CIZ1: variants seen among roughly 807,000 people sequenced by gnomAD.
CIZ1 encodes the protein CDKN1A interacting zinc finger protein 1.
A neutral mutation model predicts 118.6 loss-of-function variants in CIZ1; 58 were observed. The observed-to-expected ratio is 0.49, with a 90% CI of 0.40 to 0.61. CIZ1 has a LOEUF of 0.61. CIZ1 is among the 20% of genes least tolerant of loss of function. CIZ1 has a pLI of 0.00. For missense variants in CIZ1, 921 were observed against 1,115.9 expected (o/e 0.83, Z 2.49); for synonymous variants, 448 against 443.4 (o/e 1.01, Z -0.13).
Position 128,180,506 on chromosome 9 carries a change from A to C in CIZ1, c.700T>G (p.Cys234Gly). Residue 234 changes from cysteine to glycine, a missense_variant, in exon 7 of 17, where the codon TGC becomes GGC. Cys to Gly is a radical substitution (Grantham distance 159, BLOSUM62 -3). Coordinates refer to ENST00000372938, the MANE Select transcript of CIZ1 (RefSeq NM_001131016.2). ...DTPEDQDLPPCPEDIAKEKRT... is the reference protein window; with the variant it reads ...DTPEDQDLPPGPEDIAKEKRT... ...TTTTCCTTGGCGATGTCCTCTGGGC[A>C]GGGCGGTAAATCTTGGTCTGGAATG... is the stretch of plus-strand genomic sequence containing the variant. The C allele has an allele frequency of 6.2e-7, 1 of 1,613,982 alleles. No homozygotes were observed. The highest frequency in any genetic ancestry group is 1.1e-5 in the South Asian group (1 of 91,058).
At position 128,203,938 on chromosome 9, in the gene CIZ1, G is replaced by GC; in HGVS notation, c.-6+247dup. On this transcript the variant is annotated intron_variant, in intron 1 of 17. Transcript: ENST00000372948. The surrounding 1 kb of genome is among the most constrained non-coding windows in gnomAD (Gnocchi z 5.3). ...AGCCCCGGGCAAAGAGCTGCCCCCC[G>GC]CCCCCAACATGGGCATGGAGAGAGC... 1 of 191,288 alleles carries GC rather than the reference G, an allele frequency of 5.2e-6. No individual in the cohort carries two copies. The highest frequency in any genetic ancestry group is 1.3e-4 in the East Asian group (1 of 7,588). 11.8% of individuals were successfully genotyped at this position (191,288 alleles called of 1,614,324 possible).
rs1182868206 is a variant in CIZ1, at chr9:128,203,660, C to T, written c.-6+526G>A. The T allele has an allele frequency of 2.7e-6, 4 of 1,487,616 alleles. No individual in the cohort carries two copies. Among genetic ancestry groups the T allele is most frequent in the South Asian group, 2.5e-5 (2 of 79,938 alleles). The allele number at this position is 1,487,616 out of a possible 1,614,324, so 92.2% of individuals were successfully genotyped here. On this transcript the variant is annotated intron_variant, in intron 1 of 17. Transcript: ENST00000372948. The surrounding 1 kb of genome is among the most constrained non-coding windows in gnomAD (Gnocchi z 5.3). Reference sequence around the variant, plus strand: ...GGCGCGGCGCGCCCCCAGGCGCCGACCCCCGACCCCCGGGATCCCTGGAGT... The same window carrying T: ...GGCGCGGCGCGCCCCCAGGCGCCGATCCCCGACCCCCGGGATCCCTGGAGT...
intron 11 of CIZ1, among the ~76,000 whole-genome samples, chr9:128,173,873 G>T (rs1830496245): frequency 6.6e-6 from 1 of 152,102 alleles, no homozygotes; most frequent in South Asian, 2.1e-4. Flanking sequence ...GGGCCTAGTG[G>T]TAGGCGCCTG....
intron 5 of CIZ1, 33 bp downstream of exon 5, chr9:128,185,514 T>C: frequency 2.5e-5 from 23 of 928,204 alleles, no homozygotes; most frequent in African/African-American, 5.2e-5. Context: ...CAGGGTCCCC[T>C]CCCGCCCACT....
At position 128,190,877 on chromosome 9, in the gene CIZ1, C is replaced by T; in HGVS notation, c.-5-15G>A. On this transcript the variant is annotated splice_polypyrimidine_tract_variant and intron_variant, in intron 1 of 16. Coordinates refer to ENST00000372938, the MANE Select transcript of CIZ1 (RefSeq NM_001131016.2). ...GAACATGGTGGCTAGGGGCAGAAAG[C>T]AGAGTGAGGCAAGGGGTCCCCACCA... 2 of 1,526,890 alleles carry T rather than the reference C, an allele frequency of 1.3e-6. No individual in the cohort carries two copies. Among genetic ancestry groups the T allele is most frequent in the Non-Finnish European group, 8.8e-7 (1 of 1,141,184 alleles). 94.6% of individuals were successfully genotyped at this position (1,526,890 alleles called of 1,614,324 possible). A position where few individuals can be genotyped will look rare whatever the true frequency, so the allele number is the denominator to read the frequency against.
intron 10 of CIZ1, 38 bp downstream of exon 10, chr9:128,177,528 G>GCCCCCCCCCCCCCCCC: frequency 8.6e-7 from 1 of 1,164,640 alleles, no homozygotes; most frequent in East Asian, 2.9e-5. Flanking sequence ...TTCCACGCAG[G>GCCCCCCCCCCCCCCCC]CCCCACCCCT....
Position 128,172,861 on chromosome 9 carries a change from T to A in CIZ1, c.1944-2754A>T, listed in dbSNP as rs554067991. On this transcript the variant is annotated intron_variant, in intron 11 of 16. Coordinates refer to ENST00000372938, the MANE Select transcript of CIZ1 (RefSeq NM_001131016.2). ...TTATTTTTAAAATCAGAAAAAAAAA[T>A]TTTTTTGTAGTCAAAAAAGGCACAT... is the stretch of plus-strand genomic sequence containing the variant. Among the ~76,000 whole-genome samples the A allele has an allele frequency of 8.7e-4, 133 of 152,098 alleles. 2 individuals carry two copies. The highest frequency in any genetic ancestry group is 2.6e-3 in the African/African-American group (109 of 41,506).
chr9:128,170,279 C>A (rs895528131), intron 11 of CIZ1, among the ~76,000 whole-genome samples, 172 bp from the exon 12 acceptor site: 12 of 152,142 alleles, frequency 7.9e-5, no homozygotes, highest in Non-Finnish European at 1.2e-4. Flanking sequence ...CAGAAATAAC[C>A]CAGGAAACTT....
At chr9:128,190,519 C>T in intron 2 of CIZ1, 75 bp from the exon 3 acceptor site, 2 of 1,370,822 alleles carry the variant, frequency 1.5e-6, no homozygotes, top group Non-Finnish European at 2.0e-6. Context: ...CTTCTCACCT[C>T]CATTCTCTGC....
At chr9:128,195,187 G>A (rs188232182), upstream of CIZ1, among the ~76,000 whole-genome samples, 278 of 152,192 alleles carry the variant, frequency 1.8e-3, 1 homozygote, top group Non-Finnish European at 2.6e-3. Flanking sequence ...AATAAGTCAT[G>A]GTGTCACCTT....
At chr9:128,181,279 C>A (rs1176608064) in intron 5 of CIZ1, among the ~76,000 whole-genome samples, 1 of 152,172 alleles carries the variant, frequency 6.6e-6, no homozygotes, top group African/African-American at 2.4e-5. Context: ...CCACGCCTGG[C>A]TAATTTTTGT....
At chr9:128,173,819 A>C (rs1250798442) in intron 11 of CIZ1, among the ~76,000 whole-genome samples, 1 of 151,962 alleles carries the variant, frequency 6.6e-6, no homozygotes, top group Non-Finnish European at 1.5e-5. Flanking sequence ...ATCCTGGCTA[A>C]CACAGAGAAA....
intron 11 of CIZ1, among the ~76,000 whole-genome samples, chr9:128,175,568 C>T (rs1199606141): frequency 1.3e-5 from 2 of 152,152 alleles, no homozygotes; most frequent in African/African-American, 2.4e-5. Context: ...AAAATTAGGA[C>T]AGAGCCCGTG....
At position 128,178,928 on chromosome 9, in the gene CIZ1, C is replaced by T; in HGVS notation, c.1279G>A (p.Val427Ile). 1 of 1,614,200 alleles carries T rather than the reference C, an allele frequency of 6.2e-7. No individual in the cohort carries two copies. Among genetic ancestry groups the T allele is most frequent in the Non-Finnish European group, 8.5e-7 (1 of 1,180,030 alleles). ...ACCTGTGGATATGTCTGTGTCTGGA[C>T]CTGCTTCTGCAGCTGCAGCTGCACC... ...RQVQLQLQKQ[V>I]QTQTYPQVHT... Residue 427 changes from valine to isoleucine, a missense_variant, in exon 8 of 17, where the codon GTC becomes ATC. Val to Ile is a conservative substitution (Grantham distance 29). Coordinates refer to ENST00000372938, the MANE Select transcript of CIZ1 (RefSeq NM_001131016.2).
chr9:128,201,608 G>A (rs1262018495), intron 1 of CIZ1, among the ~76,000 whole-genome samples: 1 of 152,196 alleles, frequency 6.6e-6, no homozygotes, highest in East Asian at 1.9e-4. Context: ...AGGTTGGCAT[G>A]GAACAGCTGC....
At chr9:128,185,167 A>G (rs1247997037) in intron 5 of CIZ1, among the ~76,000 whole-genome samples, 4 of 151,922 alleles carry the variant, frequency 2.6e-5, no homozygotes, top group Non-Finnish European at 5.9e-5. Flanking sequence ...AATCCCAGCT[A>G]CTCTGGAGGC....
chr9:128,195,664 A>G (rs906924523), upstream of CIZ1, among the ~76,000 whole-genome samples: 1 of 152,036 alleles, frequency 6.6e-6, no homozygotes. Flanking sequence ...ATCCCTTCTC[A>G]TGGACTCTAT....
chr9:128,195,677 A>C (rs1362395891), upstream of CIZ1, among the ~76,000 whole-genome samples: 1 of 152,052 alleles, frequency 6.6e-6, no homozygotes, highest in African/African-American at 2.4e-5. Context: ...GACTCTATCT[A>C]TCCCTTCTCA....
chr9:128,190,971 G>A, intron 1 of CIZ1, 109 bp from the exon 2 acceptor site: 1 of 1,395,200 alleles, frequency 7.2e-7, no homozygotes, highest in Non-Finnish European at 9.5e-7. Context: ...GACTGCTGAG[G>A]AGCTTCACAG....
Sources: allele counts gnomAD v4.1 joint callset (sites outside exome capture counted in the v4.1 genomes callset), GRCh38; gene constraint gnomAD v4.1.1; non-coding constraint Gnocchi (gnomAD v3.1); transcripts MANE v1.5; gene names NCBI Gene and HGNC (gene_info 2026-07-23, HGNC 2026-07-21).